The following CHST10 variants were observed in gnomAD, a reference collection of about 807,000 sequenced individuals.
CHST10 encodes HNK-1 sulfotransferase.
In CHST10, 24 loss-of-function variants were observed where a neutral mutation model predicts 34.7. The ratio of observed to expected loss-of-function variants is 0.69; its 90% CI spans 0.50 to 0.97. The LOEUF is 0.97. CHST10 is among the 50% of genes least tolerant of loss of function. The probability of loss-of-function intolerance (pLI) is 0.00; values close to 1 mark genes in which losing one functional copy is unlikely to be tolerated. For missense variants in CHST10, 402 were observed against 452.1 expected (o/e 0.89, Z 1.00); for synonymous variants, 161 against 169.3 (o/e 0.95, Z 0.38).
chr2:100,410,838 T>C (rs1675800821), intron 2 of CHST10, among the ~76,000 whole-genome samples: 1 of 152,178 alleles, frequency 6.6e-6, no homozygotes, highest in African/African-American at 2.4e-5. Context: ...AACATTTTCA[T>C]TTCAAATAAA....
At chr2:100,403,639 C>A (rs1675437843) in intron 3 of CHST10, among the ~76,000 whole-genome samples, 1 of 152,146 alleles carries the variant, frequency 6.6e-6, no homozygotes. Flanking sequence ...CTGAGGCTGG[C>A]CCTGTCCCAG....
At chr2:100,415,703 C>T (rs1676036375) in intron 1 of CHST10, 1 of 152,252 alleles carries the variant, frequency 6.6e-6, no homozygotes, top group African/African-American at 2.4e-5. Flanking sequence ...AAATTAAAAG[C>T]AATTTCCTAT....
At position 100,415,112 on chromosome 2, in the gene CHST10, C is replaced by G; in HGVS notation, c.-103-1G>C. 2 of 1,288,668 alleles carry G rather than the reference C, an allele frequency of 1.6e-6. No individual in the cohort carries two copies. The highest frequency in any genetic ancestry group is 2.0e-6 in the Non-Finnish European group (2 of 981,258). The allele number at this position is 1,288,668 out of a possible 1,614,324, so 79.8% of individuals were successfully genotyped here. ...CTGAGGTTCTTGGTTCCTCTTGTCA[C>G]TGGATAGGAAAATTAAAAAAAAAAA... On this transcript the variant is annotated splice_acceptor_variant, in intron 1 of 6. Transcript: ENST00000264249. LOFTEE classifies it low-confidence loss of function (5UTR_SPLICE).
chr2:100,398,660 G>A (rs1002380525), intron 4 of CHST10, among the ~76,000 whole-genome samples: 12 of 152,126 alleles, frequency 7.9e-5, no homozygotes, highest in Non-Finnish European at 1.2e-4. Flanking sequence ...GCCTAAGATC[G>A]CACTACTGCA....
At chr2:100,411,124 T>C (rs1675817210) in intron 2 of CHST10, among the ~76,000 whole-genome samples, 1 of 150,074 alleles carries the variant, frequency 6.7e-6, no homozygotes, top group Non-Finnish European at 1.5e-5. Context: ...TTCTTTTTTT[T>C]TTTTTTTTTT....
rs1269467736 is a variant in CHST10 at position 100,392,821 on chromosome 2, G to A, written c.*424C>T. On this transcript the variant is annotated 3_prime_UTR_variant, in exon 7 of 7. Transcript: ENST00000264249. ...CTTCTCTGTCCCTCCTCAGAGTCCT[G>A]GGTGCTGTTCCTGCAACCCACCAGT... The A allele has an allele frequency of 1.6e-5, 3 of 192,092 alleles. No homozygotes were observed. The highest frequency in any genetic ancestry group is 3.3e-5 in the Non-Finnish European group (3 of 91,480). 11.9% of individuals were successfully genotyped at this position (192,092 alleles called of 1,614,324 possible). A position where few individuals can be genotyped will look rare whatever the true frequency, so the allele number is the denominator to read the frequency against.
chr2:100,400,916 G>T (rs770181649), intron 4 of CHST10, among the ~76,000 whole-genome samples: 1 of 151,844 alleles, frequency 6.6e-6, no homozygotes, highest in Non-Finnish European at 1.5e-5. Context: ...CCTGACCTCA[G>T]GTGATCTGCC....
intron 4 of CHST10, among the ~76,000 whole-genome samples, chr2:100,401,533 T>TA (rs1473992847): frequency 2.6e-5 from 4 of 152,190 alleles, no homozygotes; most frequent in African/African-American, 4.8e-5. Flanking sequence ...ACCCTACCTT[T>TA]GTTTTTATCC....
intron 4 of CHST10, among the ~76,000 whole-genome samples, chr2:100,399,113 T>TG (rs1292369798): frequency 1.1e-4 from 16 of 151,548 alleles, no homozygotes; most frequent in South Asian, 4.2e-4. Flanking sequence ...TTTTTTTTTT[T>TG]TTTTTTATGA....
chr2:100,402,817 A>G (rs1236471654), intron 3 of CHST10, among the ~76,000 whole-genome samples, 162 bp from the exon 4 acceptor site: 1 of 152,224 alleles, frequency 6.6e-6, no homozygotes, highest in African/African-American at 2.4e-5. Flanking sequence ...TGTCCAACAA[A>G]TGGTGCTGGG....
chr2:100,414,688 T>C (rs1409761067), intron 2 of CHST10, among the ~76,000 whole-genome samples: 1 of 152,212 alleles, frequency 6.6e-6, no homozygotes, highest in African/African-American at 2.4e-5. Context: ...CCTTACAATT[T>C]ACCGCCTTGG....
intron 4 of CHST10, among the ~76,000 whole-genome samples, chr2:100,401,459 C>T (rs916463228): frequency 6.6e-6 from 1 of 152,154 alleles, no homozygotes; most frequent in Non-Finnish European, 1.5e-5. Context: ...AAGATGACCA[C>T]CCTCTTCCTC....
At position 100,395,442 on chromosome 2, in the gene CHST10, G is replaced by C; in HGVS notation, c.533+67C>G. On this transcript the variant is annotated intron_variant, in intron 6 of 6. Transcript: ENST00000264249. ...TGCCAAGTACAGAACTCAGCCTGGG[G>C]TTTTCCCCAAATTTCTTCTCAGGTT... is the stretch of plus-strand genomic sequence containing the variant. 2.8e-6 allele frequency: 4 copies of C among 1,426,384 alleles called. No homozygotes were observed. The Admixed American group carries it at 5.1e-5, about 18-fold the overall frequency. 88.4% of individuals were successfully genotyped at this position (1,426,384 alleles called of 1,614,324 possible). A position where few individuals can be genotyped will look rare whatever the true frequency, so the allele number is the denominator to read the frequency against.
intron 3 of CHST10, among the ~76,000 whole-genome samples, chr2:100,405,712 C>T (rs886928154): frequency 5.9e-5 from 9 of 152,230 alleles, no homozygotes; most frequent in South Asian, 2.1e-4. Context: ...TGCTCATCCA[C>T]GTTCCCCAGT....
chr2:100,393,309 T>C lies in CHST10; in HGVS notation c.1007A>G (p.Tyr336Cys), dbSNP rs1400954474. 6.2e-7 allele frequency: 1 copy of C among 1,614,098 alleles called. No homozygotes were observed. Residue 336 changes from tyrosine to cysteine, a missense_variant, in exon 7 of 7, where the codon TAT (tyrosine) becomes TGT (cysteine). Coordinates refer to ENST00000264249, the MANE Select transcript of CHST10 (RefSeq NM_004854.5). ...GISKRDIRRL[Y>C]ARFEGDFKLF... ...CTTAAAGTCCCCTTCGAAACGGGCA[T>C]ACAGGCGTCGGATGTCTCGTTTGCT...
At chr2:100,414,565 C>CATT (rs1341826519) in intron 2 of CHST10, among the ~76,000 whole-genome samples, 7 of 152,160 alleles carry the variant, frequency 4.6e-5, no homozygotes, top group Non-Finnish European at 1.0e-4. Flanking sequence ...CAAAGTGTGG[C>CATT]ATATGAATTT....
At chr2:100,405,378 T>C (rs1384405215) in intron 3 of CHST10, among the ~76,000 whole-genome samples, 1 of 152,170 alleles carries the variant, frequency 6.6e-6, no homozygotes, top group Non-Finnish European at 1.5e-5. Flanking sequence ...ACAACTGTCA[T>C]GGGGAGAACC....
At chr2:100,415,243 G>T in intron 1 of CHST10, 132 bp from the exon 2 acceptor site, 1 of 366,024 alleles carries the variant, frequency 2.7e-6, no homozygotes, top group Non-Finnish European at 4.7e-6. Context: ...TGGCAGAATG[G>T]GTCTCTTACA....
At chr2:100,416,741 G>A (rs1676083333) in intron 1 of CHST10, 2 of 346,852 alleles carry the variant, frequency 5.8e-6, no homozygotes, top group Non-Finnish European at 1.1e-5. Context: ...CAGTCCTGCC[G>A]CTGAGCTAAC....
Sources: allele counts gnomAD v4.1 joint callset (sites outside exome capture counted in the v4.1 genomes callset), GRCh38; gene constraint gnomAD v4.1.1; transcripts MANE v1.5; gene names NCBI Gene and HGNC (gene_info 2026-07-23, HGNC 2026-07-21).